DSCAM: variants seen among roughly 807,000 people sequenced by gnomAD.
DSCAM encodes DS cell adhesion molecule.
In DSCAM, 47 loss-of-function variants were observed where a neutral mutation model predicts 217.7. The observed-to-expected ratio is 0.22, with a 90% CI of 0.17 to 0.28. DSCAM has a LOEUF of 0.28. DSCAM is among the 10% of genes least tolerant of loss of function. DSCAM has a pLI of 1.00. For synonymous variants in DSCAM, 1,056 were observed against 1,015.3 expected (o/e 1.04, Z -0.76); for missense variants, 2,080 against 2,618.3 (o/e 0.79, Z 4.49).
At chr21:40,511,017 T>G (rs139539407) in intron 3 of DSCAM, among the ~76,000 whole-genome samples, 4 of 152,342 alleles carry the variant, frequency 2.6e-5, no homozygotes, top group African/African-American at 7.2e-5. Context: ...GTTTAAAAAT[T>G]CTACAAAATT....
chr21:40,673,138 A>T (rs1160762135), intron 3 of DSCAM, among the ~76,000 whole-genome samples: 1 of 152,124 alleles, frequency 6.6e-6, no homozygotes. Context: ...CACTCCACTT[A>T]GGGGTCTTCC....
At chr21:40,177,117 A>G (rs2090742530) in intron 15 of DSCAM, among the ~76,000 whole-genome samples, 1 of 152,252 alleles carries the variant, frequency 6.6e-6, no homozygotes, top group Non-Finnish European at 1.5e-5. Context: ...GGATGGGGAC[A>G]GCTTATTCTC....
At chr21:40,754,918 G>C (rs927356318) in intron 1 of DSCAM, among the ~76,000 whole-genome samples, 4 of 152,232 alleles carry the variant, frequency 2.6e-5, no homozygotes, top group African/African-American at 9.6e-5. Context: ...CATTTCATTT[G>C]AAAGTCTGGA....
chr21:40,818,825 C>A (rs1204360587), intron 1 of DSCAM, among the ~76,000 whole-genome samples: 1 of 152,022 alleles, frequency 6.6e-6, no homozygotes, highest in Non-Finnish European at 1.5e-5. Flanking sequence ...TAAAACACAG[C>A]TGAACCAAAA....
chr21:40,080,120 G>A (rs1305615291), intron 25 of DSCAM, 32 bp downstream of exon 25: 1 of 1,219,786 alleles, frequency 8.2e-7, no homozygotes, highest in Non-Finnish European at 1.1e-6. Flanking sequence ...GAAAAGAAAG[G>A]ATATTAAGAA....
rs151095929 is a variant in DSCAM at position 40,596,924 on chromosome 21, T to C, written c.508+95886A>G. ...TATTCCAGAATTCATCAAAAGATAA[T>C]AGGTAAGGCAGCATGATGTTATATT... On this transcript the variant is annotated intron_variant, in intron 3 of 32. Transcript: ENST00000400454. Among the ~76,000 whole-genome samples, 7 of 152,194 alleles carry C rather than the reference T, an allele frequency of 4.6e-5. No homozygotes were observed. The East Asian group carries it at 7.7e-4, about 17-fold the overall frequency.
intron 30 of DSCAM, 150 bp from the exon 31 acceptor site, chr21:40,044,425 C>T (rs1353002248): frequency 5.6e-6 from 4 of 719,638 alleles, no homozygotes; most frequent in Non-Finnish European, 9.0e-6. Context: ...GCAGAGGATA[C>T]TTTCCCTTTC....
chr21:40,521,195 T>C (rs1163813779), intron 3 of DSCAM, among the ~76,000 whole-genome samples: 1 of 152,176 alleles, frequency 6.6e-6, no homozygotes, highest in Admixed American at 6.6e-5. Context: ...TGGGTGGTAC[T>C]GACATCTAGT....
chr21:40,089,323 G>C (rs1252449336), intron 21 of DSCAM, among the ~76,000 whole-genome samples: 1 of 152,214 alleles, frequency 6.6e-6, no homozygotes, highest in African/African-American at 2.4e-5. Context: ...TGTGGATTCA[G>C]CAGCTCTTTC....
intron 2 of DSCAM, among the ~76,000 whole-genome samples, chr21:40,696,908 G>T (rs956773573): frequency 1.3e-5 from 2 of 152,024 alleles, no homozygotes; most frequent in African/African-American, 4.8e-5. Flanking sequence ...CCCTGTGTTG[G>T]GAGCACAGTA....
At chr21:40,762,392 C>A (rs1017054476) in intron 1 of DSCAM, among the ~76,000 whole-genome samples, 6 of 152,126 alleles carry the variant, frequency 3.9e-5, no homozygotes, top group Non-Finnish European at 8.8e-5. Context: ...GACACATACA[C>A]CCTCCCAAGA....
At chr21:40,222,680 G>GTTTT (rs58364652) in intron 11 of DSCAM, among the ~76,000 whole-genome samples, 78,734 of 151,684 alleles carry the variant, frequency 0.52, 20,707 homozygotes, top group Middle Eastern at 0.63. Flanking sequence ...TCTAAAAATA[G>GTTTT]TTTATTAAGA....
At chr21:40,180,150 C>T (rs1304513009) in intron 14 of DSCAM, among the ~76,000 whole-genome samples, 2 of 152,210 alleles carry the variant, frequency 1.3e-5, no homozygotes, top group African/African-American at 2.4e-5. Flanking sequence ...ACAAATAGTA[C>T]ATGAATGTTT....
chr21:40,150,339 G>A (rs989776516), intron 16 of DSCAM, among the ~76,000 whole-genome samples: 1 of 152,178 alleles, frequency 6.6e-6, no homozygotes, highest in East Asian at 1.9e-4. Context: ...ATCACATGAA[G>A]AGAAAATTGT....
chr21:40,424,475 C>T (rs1249293132), intron 3 of DSCAM, among the ~76,000 whole-genome samples: 1 of 152,158 alleles, frequency 6.6e-6, no homozygotes, highest in Non-Finnish European at 1.5e-5. Flanking sequence ...GCAAGGCTTG[C>T]CAGCCAGCGC....
At chr21:40,799,396 GA>G (rs1032523843) in intron 1 of DSCAM, among the ~76,000 whole-genome samples, 6 of 151,786 alleles carry the variant, frequency 4.0e-5, no homozygotes, top group East Asian at 3.9e-4. Context: ...GAAACTCAGA[GA>G]AAAAAAACTC....
intron 8 of DSCAM, among the ~76,000 whole-genome samples, chr21:40,328,710 T>C (rs1400778399): frequency 3.3e-5 from 5 of 151,446 alleles, no homozygotes; most frequent in Non-Finnish European, 5.9e-5. Context: ...AACCTATATA[T>C]AGAAGGAAAG....
intron 11 of DSCAM, among the ~76,000 whole-genome samples, chr21:40,199,259 G>T (rs73364173): frequency 0.051 from 7,691 of 152,178 alleles, 433 homozygotes; most frequent in African/African-American, 0.14. Flanking sequence ...TCACCTGGGA[G>T]CCATAAAAAC....
chr21:40,842,193 C>A (rs2092107967), intron 1 of DSCAM, among the ~76,000 whole-genome samples: 1 of 152,208 alleles, frequency 6.6e-6, no homozygotes, highest in South Asian at 2.1e-4. Flanking sequence ...CCCTATCTCC[C>A]AGGCTGAGGG....
Sources: allele counts gnomAD v4.1 joint callset (sites outside exome capture counted in the v4.1 genomes callset), GRCh38; gene constraint gnomAD v4.1.1; transcripts MANE v1.5; gene names NCBI Gene and HGNC (gene_info 2026-07-23, HGNC 2026-07-21).